Variants in GOLGA1 observed in about 807,000 individuals in gnomAD.
GOLGA1 encodes the protein golgin A1.
A neutral mutation model predicts 119.7 loss-of-function variants in GOLGA1; 63 were observed. That is an observed-to-expected ratio of 0.53 (90% CI 0.43 to 0.65). The LOEUF is 0.65. GOLGA1 is among the 30% of genes least tolerant of loss of function. The pLI, the probability that GOLGA1 is intolerant of heterozygous loss-of-function variation, is 0.00. For missense variants in GOLGA1, 798 were observed against 912.8 expected, an observed-to-expected ratio of 0.87 and a Z score of 1.62; for synonymous variants, 318 against 333.4, an observed-to-expected ratio of 0.95 and a Z score of 0.50.
intron 8 of GOLGA1, 38 bp from the exon 9 acceptor site, chr9:124,921,930 AG>A (rs1473982329): frequency 6.5e-7 from 1 of 1,543,712 alleles, no homozygotes; most frequent in South Asian, 1.1e-5. Context: ...GGCTATGCTA[AG>A]AAAAATACAC....
At chr9:124,938,456 G>T in intron 3 of GOLGA1, 121 bp downstream of exon 3, 1 of 794,764 alleles carries the variant, frequency 1.3e-6, no homozygotes, top group Non-Finnish European at 2.1e-6. Flanking sequence ...AGAAGAATCA[G>T]ATGTACAGGC....
intron 3 of GOLGA1, among the ~76,000 whole-genome samples, chr9:124,933,314 G>C (rs1232001242): frequency 2.0e-5 from 3 of 152,164 alleles, no homozygotes; most frequent in Non-Finnish European, 4.4e-5. Flanking sequence ...GATTTTGGGA[G>C]GGTTCCCATC....
intron 4 of GOLGA1, among the ~76,000 whole-genome samples, chr9:124,929,675 T>G (rs977834199): frequency 6.6e-6 from 1 of 152,174 alleles, no homozygotes; most frequent in African/African-American, 2.4e-5. Context: ...GTGAACTCAC[T>G]AAACAGCTCG....
intron 7 of GOLGA1, among the ~76,000 whole-genome samples, chr9:124,924,636 C>CAAAAAAAAAA (rs71374206): frequency 9.2e-6 from 1 of 108,636 alleles, no homozygotes; most frequent in Non-Finnish European, 1.9e-5. Flanking sequence ...GACCCTGTCT[C>CAAAAAAAAAA]AAAAAAAAAA....
At chr9:124,942,269 T>C (rs1444242280), upstream of GOLGA1, among the ~76,000 whole-genome samples, 1 of 152,100 alleles carries the variant, frequency 6.6e-6, no homozygotes, top group Non-Finnish European at 1.5e-5. Flanking sequence ...AAACTCTATC[T>C]CAAACAAAAA....
chr9:124,884,647 G>A (rs2131363611), intron 19 of GOLGA1, among the ~76,000 whole-genome samples: 1 of 152,292 alleles, frequency 6.6e-6, no homozygotes, highest in East Asian at 1.9e-4. Context: ...CTTCTCCACT[G>A]TGAGGCATCT....
chr9:124,939,435 G>GAC (rs1341311712), intron 2 of GOLGA1, among the ~76,000 whole-genome samples: 1 of 151,508 alleles, frequency 6.6e-6, no homozygotes, highest in African/African-American at 2.4e-5. Flanking sequence ...GAAAAAAGAA[G>GAC]ACACACCAGA....
At chr9:124,918,395 G>A (rs1485505964) in intron 10 of GOLGA1, among the ~76,000 whole-genome samples, 1 of 152,166 alleles carries the variant, frequency 6.6e-6, no homozygotes, top group Non-Finnish European at 1.5e-5. Context: ...GAAACTTACT[G>A]TGACCAAAGT....
chr9:124,916,313 A>G (rs1830445647), intron 10 of GOLGA1, among the ~76,000 whole-genome samples: 1 of 152,060 alleles, frequency 6.6e-6, no homozygotes, highest in South Asian at 2.1e-4. Context: ...TGGGTTAAAT[A>G]AAAACAAAAT....
At chr9:124,898,435 A>G (rs1830024359) in intron 15 of GOLGA1, 114 bp downstream of exon 15, 1 of 665,886 alleles carries the variant, frequency 1.5e-6, no homozygotes, top group Non-Finnish European at 2.6e-6. Flanking sequence ...GAACTATTGA[A>G]CAAATGCTAA....
chr9:124,932,766 G>A (rs932003869), intron 3 of GOLGA1, among the ~76,000 whole-genome samples: 1 of 152,112 alleles, frequency 6.6e-6, no homozygotes, highest in Non-Finnish European at 1.5e-5. Flanking sequence ...CAAAATTAAG[G>A]TGCCAGCAGA....
intron 13 of GOLGA1, chr9:124,900,235 G>A: frequency 2.5e-6 from 1 of 405,434 alleles, no homozygotes; most frequent in South Asian, 3.7e-5. Context: ...AGGTGGAAAG[G>A]AGCTGCTGGT....
chr9:124,889,410 C>T (rs1174279587), intron 17 of GOLGA1, 24 bp downstream of exon 17: 4 of 1,596,890 alleles, frequency 2.5e-6, no homozygotes, highest in East Asian at 4.5e-5. Context: ...GGAGAGAAGG[C>T]TCAGCCAGGG....
At chr9:124,912,272 A>T (rs1449044097) in intron 10 of GOLGA1, among the ~76,000 whole-genome samples, 2 of 152,206 alleles carry the variant, frequency 1.3e-5, no homozygotes, top group Non-Finnish European at 2.9e-5. Context: ...AACAACTGAC[A>T]GTCTGGAACA....
rs1829569181 is a variant in GOLGA1, at chr9:124,881,097, G to A, written c.2223+74C>T. 2.4e-6 allele frequency: 2 copies of A among 835,768 alleles called. No homozygotes were observed. Among genetic ancestry groups the A allele is most frequent in the Admixed American group, 1.7e-5 (1 of 58,524 alleles). The allele number at this position is 835,768 out of a possible 1,614,324, so 51.8% of individuals were successfully genotyped here. A position where few individuals can be genotyped will look rare whatever the true frequency, so the allele number is the denominator to read the frequency against. On this transcript the variant is annotated intron_variant, in intron 22 of 22. Coordinates refer to ENST00000373555, the MANE Select transcript of GOLGA1 (RefSeq NM_002077.4). This position sits in a 1 kb window ranked among gnomAD's most constrained non-coding sequence, Gnocchi z 4.9. ...CCTACACTCGGGTGTGGGTCTAAGG[G>A]GTCTTACACTGCTACTGCTGGGATA...
intron 14 of GOLGA1, 45 bp downstream of exon 14, chr9:124,899,284 G>A (rs749188179): frequency 6.6e-7 from 1 of 1,504,470 alleles, no homozygotes; most frequent in Non-Finnish European, 9.0e-7. Flanking sequence ...CGCTGTGGGG[G>A]ACCCTGGTGC....
upstream of GOLGA1, chr9:124,943,897 C>T (rs1588107355): frequency 6.6e-6 from 1 of 152,190 alleles, no homozygotes; most frequent in Non-Finnish European, 1.5e-5. Context: ...TTTATAACTG[C>T]TTCATCTGAT....
At chr9:124,908,675 A>AAC (rs1383210943) in intron 11 of GOLGA1, among the ~76,000 whole-genome samples, 1 of 152,268 alleles carries the variant, frequency 6.6e-6, no homozygotes, top group Non-Finnish European at 1.5e-5. Context: ...TTGAGGCTGG[A>AAC]ACAAAAGACT....
intron 10 of GOLGA1, among the ~76,000 whole-genome samples, chr9:124,920,871 A>G (rs1483532953): frequency 6.7e-6 from 1 of 149,144 alleles, no homozygotes; most frequent in Non-Finnish European, 1.5e-5. Context: ...AAAAAAAAAA[A>G]GAGAGACATA....
Sources: allele counts gnomAD v4.1 joint callset (sites outside exome capture counted in the v4.1 genomes callset), GRCh38; gene constraint gnomAD v4.1.1; non-coding constraint Gnocchi (gnomAD v3.1); transcripts MANE v1.5; gene names NCBI Gene and HGNC (gene_info 2026-07-23, HGNC 2026-07-21).